EXT1: variants seen among roughly 807,000 people sequenced by gnomAD.
The protein encoded by EXT1 is exostosin-1.
In EXT1, 20 loss-of-function variants were observed where a neutral mutation model predicts 82.5. The ratio of observed to expected loss-of-function variants is 0.24; its 90% CI spans 0.17 to 0.35. EXT1 has a LOEUF of 0.35. Among genes scored for constraint, EXT1 ranks in the 10% least tolerant of loss-of-function variants. EXT1 has a pLI of 1.00. For missense variants in EXT1, 757 were observed against 936.5 expected, an observed-to-expected ratio of 0.81 and a Z score of 2.50; for synonymous variants, 348 against 350.8, an observed-to-expected ratio of 0.99 and a Z score of 0.09.
chr8:118,066,514 C>T (rs1297060982), intron 1 of EXT1, among the ~76,000 whole-genome samples: 1 of 148,842 alleles, frequency 6.7e-6, no homozygotes, highest in African/African-American at 2.6e-5. Context: ...GCGCACCACC[C>T]ACACCCAAAA....
At chr8:117,965,304 C>A (rs1456008619) in intron 1 of EXT1, among the ~76,000 whole-genome samples, 1 of 151,924 alleles carries the variant, frequency 6.6e-6, no homozygotes, top group Non-Finnish European at 1.5e-5. Flanking sequence ...CAGTCAGCAG[C>A]AATAGAATAT....
intron 10 of EXT1, 95 bp from the exon 11 acceptor site, chr8:117,799,992 G>A: frequency 3.7e-6 from 5 of 1,341,852 alleles, no homozygotes; most frequent in Non-Finnish European, 5.2e-6. Flanking sequence ...TGAGCAAGCA[G>A]CAAAGCTTGG....
intron 1 of EXT1, among the ~76,000 whole-genome samples, chr8:118,056,992 G>A (rs913975710): frequency 6.6e-5 from 10 of 152,098 alleles, no homozygotes. Context: ...CACAGGCCCT[G>A]GGATACAGGA....
intron 7 of EXT1, among the ~76,000 whole-genome samples, chr8:117,816,186 C>G (rs1811812314): frequency 6.6e-6 from 1 of 152,046 alleles, no homozygotes; most frequent in South Asian, 2.1e-4. Flanking sequence ...TATTATGACT[C>G]TTTCCATTTA....
intron 1 of EXT1, among the ~76,000 whole-genome samples, chr8:117,964,366 C>T (rs1814762709): frequency 6.6e-6 from 1 of 152,172 alleles, no homozygotes; most frequent in South Asian, 2.1e-4. Flanking sequence ...TCCTCCTCCC[C>T]TCAAGGTATG....
At chr8:117,932,989 T>C (rs1814089373) in intron 1 of EXT1, among the ~76,000 whole-genome samples, 1 of 152,092 alleles carries the variant, frequency 6.6e-6, no homozygotes, top group Non-Finnish European at 1.5e-5. Context: ...CTAGCCATAC[T>C]GGCCCCCTTC....
chr8:117,974,953 T>A, intron 1 of EXT1, among the ~76,000 whole-genome samples: 1 of 152,238 alleles, frequency 6.6e-6, no homozygotes, highest in Non-Finnish European at 1.5e-5. Flanking sequence ...TCCCACCATA[T>A]AAAATGATCC....
At chr8:117,815,801 A>G (rs1811800511) in intron 7 of EXT1, among the ~76,000 whole-genome samples, 1 of 152,112 alleles carries the variant, frequency 6.6e-6, no homozygotes, top group African/African-American at 2.4e-5. Flanking sequence ...TTGGTGGCGC[A>G]TGCCTGTAGT....
At chr8:117,946,929 G>A (rs1342474361) in intron 1 of EXT1, among the ~76,000 whole-genome samples, 3 of 152,192 alleles carry the variant, frequency 2.0e-5, no homozygotes, top group East Asian at 1.9e-4. Flanking sequence ...AGAGGAAAAC[G>A]TGGATGGCTT....
chr8:117,971,591 CT>C (rs920980629), intron 1 of EXT1, among the ~76,000 whole-genome samples: 1 of 152,182 alleles, frequency 6.6e-6, no homozygotes, highest in African/African-American at 2.4e-5. Context: ...TTTATAAGCT[CT>C]TTGTGATTAT....
At chr8:118,005,809 C>G (rs764750502) in intron 1 of EXT1, among the ~76,000 whole-genome samples, 1 of 152,202 alleles carries the variant, frequency 6.6e-6, no homozygotes, top group African/African-American at 2.4e-5. Flanking sequence ...AAATAACACA[C>G]CCTATGTATG....
At chr8:117,983,522 C>T (rs1186277942) in intron 1 of EXT1, among the ~76,000 whole-genome samples, 2 of 152,070 alleles carry the variant, frequency 1.3e-5, no homozygotes, top group African/African-American at 4.8e-5. Flanking sequence ...ATCCAAATGG[C>T]AACATGGACG....
chr8:118,004,408 GTCTT>G (rs1172731842), intron 1 of EXT1, among the ~76,000 whole-genome samples: 1 of 152,224 alleles, frequency 6.6e-6, no homozygotes, highest in Non-Finnish European at 1.5e-5. Context: ...AGCTAAATGA[GTCTT>G]TATTGAATGA....
intron 1 of EXT1, among the ~76,000 whole-genome samples, chr8:118,054,854 C>T (rs578199905): frequency 4.6e-5 from 7 of 152,198 alleles, no homozygotes; most frequent in African/African-American, 1.7e-4. Context: ...TCTGGGGTTC[C>T]GAGGCCGCTC....
At chr8:118,081,730 G>A (rs1487755632) in intron 1 of EXT1, among the ~76,000 whole-genome samples, 1 of 152,126 alleles carries the variant, frequency 6.6e-6, no homozygotes, top group Non-Finnish European at 1.5e-5. Flanking sequence ...ATTGATGCTG[G>A]CGTGCTTTTA....
intron 1 of EXT1, among the ~76,000 whole-genome samples, chr8:117,947,677 T>C (rs1234795669): frequency 6.6e-6 from 1 of 152,222 alleles, no homozygotes; most frequent in Non-Finnish European, 1.5e-5. Context: ...CTGACTATTC[T>C]GTGAAAAGCA....
At chr8:117,887,391 C>T (rs1054918881) in intron 1 of EXT1, among the ~76,000 whole-genome samples, 1 of 152,152 alleles carries the variant, frequency 6.6e-6, no homozygotes, top group Non-Finnish European at 1.5e-5. Flanking sequence ...CTCACTTTGT[C>T]GCCAGGCTGG....
At chr8:117,901,512 T>C (rs183387537) in intron 1 of EXT1, among the ~76,000 whole-genome samples, 19 of 152,296 alleles carry the variant, frequency 1.2e-4, no homozygotes, top group Admixed American at 9.8e-4. Flanking sequence ...TTATAGACTT[T>C]ATAAACACTG....
At chr8:117,878,000 C>A (rs1342560200) in intron 1 of EXT1, among the ~76,000 whole-genome samples, 1 of 152,140 alleles carries the variant, frequency 6.6e-6, no homozygotes, top group South Asian at 2.1e-4. Flanking sequence ...CGGCTAGGTG[C>A]GGTGGCTCAC....
Sources: gnomAD v4.1 joint callset for allele counts (sites outside exome capture counted in the v4.1 genomes callset) on GRCh38, gnomAD v4.1.1 for gene constraint, MANE v1.5 for transcripts, NCBI Gene and HGNC (gene_info 2026-07-23, HGNC 2026-07-21) for gene names.